ULK4: variants seen among roughly 807,000 people sequenced by gnomAD.
ULK4 encodes the protein inactive serine/threonine-protein kinase ULK4.
Under a neutral mutation model 160.6 loss-of-function variants are expected in ULK4, and 133 were observed. The ratio of observed to expected loss-of-function variants is 0.83; its 90% CI spans 0.72 to 0.96. The LOEUF (loss-of-function observed/expected upper bound fraction) is 0.96. Ranked by LOEUF, ULK4 falls within the 40% of genes least tolerant of loss-of-function variation. The probability of loss-of-function intolerance (pLI) is 0.00; values close to 1 mark genes in which losing one functional copy is unlikely to be tolerated. For synonymous variants in ULK4, 534 were observed against 539.8 expected (o/e 0.99, Z 0.15); for missense variants, 1,580 against 1,499.5 (o/e 1.05, Z -0.89).
At chr3:41,381,276 T>G (rs1184343706) in intron 35 of ULK4, among the ~76,000 whole-genome samples, 1 of 152,194 alleles carries the variant, frequency 6.6e-6, no homozygotes, top group Non-Finnish European at 1.5e-5. Flanking sequence ...TCTCCTCATT[T>G]TAACCTATAC....
chr3:41,326,142 G>A (rs1245696369), intron 35 of ULK4, among the ~76,000 whole-genome samples: 2 of 152,090 alleles, frequency 1.3e-5, no homozygotes, highest in Non-Finnish European at 2.9e-5. Context: ...GGGCAGGGGG[G>A]GGCTCCCCAA....
At chr3:41,905,932 G>A (rs1197282196) in intron 12 of ULK4, among the ~76,000 whole-genome samples, 2 of 151,986 alleles carry the variant, frequency 1.3e-5, no homozygotes, top group Non-Finnish European at 2.9e-5. Context: ...AAATTAGCCA[G>A]GTGGGCCGGG....
intron 5 of ULK4, among the ~76,000 whole-genome samples, chr3:41,928,642 A>G (rs577337137): frequency 2.6e-4 from 39 of 152,124 alleles, no homozygotes; most frequent in Non-Finnish European, 5.0e-4. Flanking sequence ...ACAATAAAAA[A>G]TGATAAAGGA....
In ULK4 at chr3:41,901,479, C is replaced by CTTTTTTTTTTTTTTTTT. The variant is rs566805860; in HGVS notation, c.1183-667_1183-651dup. 1.4e-3 allele frequency among the ~76,000 whole-genome samples: 31 copies of CTTTTTTTTTTTTTTTTT among 22,544 alleles called. 10 individuals are homozygous for CTTTTTTTTTTTTTTTTT. The highest frequency in any genetic ancestry group is 2.4e-3 in the Non-Finnish European group (14 of 5,742). The allele number at this position is 22,544 out of a possible 152,430, so 14.8% of individuals were successfully genotyped here. A position where few individuals can be genotyped will look rare whatever the true frequency, so the allele number is the denominator to read the frequency against. On this transcript the variant is annotated intron_variant, in intron 12 of 36. Coordinates refer to ENST00000301831, the MANE Select transcript of ULK4 (RefSeq NM_017886.4). Reference sequence around the variant, plus strand: ...ACAGGCGTGAGCCACCACGCCCAGCCTTTTTTTTTTTTTTTTTTTGAGATA... The same window carrying CTTTTTTTTTTTTTTTTT: ...ACAGGCGTGAGCCACCACGCCCAGCCTTTTTTTTTTTTTTTTTTTTTTTTTTTTTTTTTTTTGAGATA...
At chr3:41,647,866 G>A (rs1464023319) in intron 30 of ULK4, among the ~76,000 whole-genome samples, 1 of 152,248 alleles carries the variant, frequency 6.6e-6, no homozygotes, top group Non-Finnish European at 1.5e-5. Context: ...GAGCTTCCCA[G>A]CTGCTTTGTG....
At chr3:41,870,005 G>C (rs1440172978) in intron 17 of ULK4, among the ~76,000 whole-genome samples, 4 of 151,756 alleles carry the variant, frequency 2.6e-5, no homozygotes, top group Admixed American at 2.0e-4. Flanking sequence ...TTTTTTCTTT[G>C]AACACTTTAA....
intron 1 of ULK4, among the ~76,000 whole-genome samples, chr3:41,955,024 C>T (rs1384800984): frequency 2.0e-5 from 3 of 152,226 alleles, no homozygotes; most frequent in Non-Finnish European, 4.4e-5. Flanking sequence ...GGCGCAGTGG[C>T]TCACGCCTGT....
At chr3:41,362,653 A>G (rs2081169856) in intron 35 of ULK4, among the ~76,000 whole-genome samples, 1 of 152,208 alleles carries the variant, frequency 6.6e-6, no homozygotes, top group Non-Finnish European at 1.5e-5. Flanking sequence ...TTGTTCTAAT[A>G]TTATCCACAT....
chr3:41,960,423 C>T (rs7639766), intron 1 of ULK4, among the ~76,000 whole-genome samples: 2,152 of 150,794 alleles, frequency 0.014, 52 homozygotes, highest in African/African-American at 0.051. Context: ...TGTGCAGGGG[C>T]AAGATCTAGG....
chr3:41,943,144 C>T (rs1469307255), intron 2 of ULK4, among the ~76,000 whole-genome samples: 70 of 146,676 alleles, frequency 4.8e-4, no homozygotes, highest in African/African-American at 1.6e-3. Context: ...ACCCGGCAGG[C>T]GGAGCTTGCA....
chr3:41,376,891 A>C (rs1383427827), intron 35 of ULK4, among the ~76,000 whole-genome samples: 3 of 149,684 alleles, frequency 2.0e-5, no homozygotes, highest in Admixed American at 6.6e-5. Context: ...GTTCATATGG[A>C]ACCAAAAAAG....
At chr3:41,907,983 G>A (rs1490260225) in intron 11 of ULK4, 42 bp from the exon 12 acceptor site, 3 of 1,424,178 alleles carry the variant, frequency 2.1e-6, no homozygotes, top group Non-Finnish European at 2.9e-6. Context: ...ATTCCAGACA[G>A]TTTATTCTCT....
chr3:41,433,124 A>G (rs1334599528), intron 34 of ULK4, among the ~76,000 whole-genome samples: 1 of 152,236 alleles, frequency 6.6e-6, no homozygotes, highest in Non-Finnish European at 1.5e-5. Context: ...TAATATACAA[A>G]GAGTTCTTAC....
At chr3:41,772,992 C>A (rs905639642) in intron 21 of ULK4, among the ~76,000 whole-genome samples, 2 of 152,136 alleles carry the variant, frequency 1.3e-5, no homozygotes, top group African/African-American at 4.8e-5. Context: ...TCAATAGATG[C>A]AGAAAAGGTC....
chr3:41,954,613 C>T lies in ULK4; in HGVS notation c.138+9G>A. 6.2e-7 allele frequency: 1 copy of T among 1,609,008 alleles called. No homozygotes were observed. Among genetic ancestry groups the T allele is most frequent in the Non-Finnish European group, 8.5e-7 (1 of 1,177,960 alleles). On this transcript the variant is annotated intron_variant, in intron 2 of 36. Coordinates refer to ENST00000301831, the MANE Select transcript of ULK4 (RefSeq NM_017886.4). ...CTTTCCCCATGCCAATGGAAATACACTGACTTACCCAGTTGGTTATTTCAG... is the reference window on the plus strand; with the variant it reads ...CTTTCCCCATGCCAATGGAAATACATTGACTTACCCAGTTGGTTATTTCAG...
intron 17 of ULK4, among the ~76,000 whole-genome samples, chr3:41,881,556 AAATT>A (rs1697522660): frequency 6.6e-6 from 1 of 152,202 alleles, no homozygotes; most frequent in African/African-American, 2.4e-5. Flanking sequence ...AGAAATAACA[AAATT>A]AAGATGGCAT....
rs1041434857 is a variant in ULK4, at chr3:41,502,880, T to C, written c.3227-39627A>G. ...TTATGGTGATGGCTTCACAAGTATA[T>C]ACTCAGCAAATTGCACATGTAATTA... On this transcript the variant is annotated intron_variant, in intron 32 of 36. Transcript: ENST00000301831. 3.3e-5 allele frequency among the ~76,000 whole-genome samples: 5 copies of C among 152,300 alleles called. No homozygotes were observed. The South Asian group carries it at 8.3e-4, about 25-fold the overall frequency.
intron 5 of ULK4, among the ~76,000 whole-genome samples, chr3:41,928,738 G>A (rs150394401): frequency 7.2e-5 from 11 of 151,856 alleles, no homozygotes; most frequent in Non-Finnish European, 1.0e-4. Flanking sequence ...AGAAAATCTC[G>A]AAGAAATGGA....
chr3:41,647,546 C>G (rs2034558096), intron 30 of ULK4, among the ~76,000 whole-genome samples: 1 of 152,188 alleles, frequency 6.6e-6, no homozygotes. Flanking sequence ...CTGATCATTC[C>G]TCTGGAAGTT....
Sources: allele counts gnomAD v4.1 joint callset (sites outside exome capture counted in the v4.1 genomes callset), GRCh38; gene constraint gnomAD v4.1.1; transcripts MANE v1.5; gene names NCBI Gene and HGNC (gene_info 2026-07-23, HGNC 2026-07-21).